Variants in TSC22D2 observed in about 807,000 individuals in gnomAD.
TSC22D2 encodes the protein TSC22 domain family protein 2.
Under a neutral mutation model 50.1 loss-of-function variants are expected in TSC22D2, and 5 were observed. The observed-to-expected ratio is 0.10, with a 90% CI of 0.05 to 0.21. The LOEUF is 0.21. Ranked by LOEUF, TSC22D2 falls within the 10% of genes least tolerant of loss-of-function variation. The probability of loss-of-function intolerance (pLI) is 1.00; values close to 1 mark genes in which losing one functional copy is unlikely to be tolerated. For missense variants in TSC22D2, 1,003 were observed against 1,015.5 expected, an observed-to-expected ratio of 0.99 and a Z score of 0.17; for synonymous variants, 501 against 450.1, an observed-to-expected ratio of 1.11 and a Z score of -1.43.
At chr3:150,447,139 A>G (rs193235368) in intron 1 of TSC22D2, among the ~76,000 whole-genome samples, 14 of 152,304 alleles carry the variant, frequency 9.2e-5, no homozygotes, top group African/African-American at 3.4e-4. Context: ...TTGAGAAGAT[A>G]TTTAAACAAG....
At chr3:150,434,267 C>G (rs891409240) in intron 1 of TSC22D2, among the ~76,000 whole-genome samples, 1 of 151,514 alleles carries the variant, frequency 6.6e-6, no homozygotes, top group African/African-American at 2.4e-5. Flanking sequence ...TCTTGCCTCC[C>G]GAGTAGCTGG....
intron 1 of TSC22D2, among the ~76,000 whole-genome samples, chr3:150,412,548 C>A (rs1021068262): frequency 1.3e-5 from 2 of 152,322 alleles, no homozygotes; most frequent in African/African-American, 2.4e-5. Flanking sequence ...TTGAAAAATA[C>A]TCACTGACTG....
intron 1 of TSC22D2, among the ~76,000 whole-genome samples, chr3:150,427,803 TTTC>T (rs1011402427): frequency 1.1e-4 from 17 of 152,174 alleles, no homozygotes; most frequent in Admixed American, 3.3e-4. Flanking sequence ...TCCTCCTTCC[TTTC>T]TTCTTCTCTT....
intron 1 of TSC22D2, among the ~76,000 whole-genome samples, chr3:150,412,223 T>A (rs1719601424): frequency 6.6e-6 from 1 of 152,192 alleles, no homozygotes; most frequent in Non-Finnish European, 1.5e-5. Flanking sequence ...AAATTTGACA[T>A]ACATATTGCA....
At chr3:150,453,433 C>A (rs958671810) in intron 1 of TSC22D2, among the ~76,000 whole-genome samples, 5 of 152,164 alleles carry the variant, frequency 3.3e-5, no homozygotes, top group African/African-American at 1.2e-4. Flanking sequence ...ATAAAATAGT[C>A]TCTTATTTGC....
chr3:150,452,343 G>T (rs1363216352), intron 1 of TSC22D2, among the ~76,000 whole-genome samples: 1 of 152,002 alleles, frequency 6.6e-6, no homozygotes. Flanking sequence ...TACTCGGGAG[G>T]CCGAGGCAGG....
intron 1 of TSC22D2, among the ~76,000 whole-genome samples, chr3:150,447,179 A>G (rs1720912938): frequency 6.6e-6 from 1 of 152,224 alleles, no homozygotes; most frequent in African/African-American, 2.4e-5. Context: ...TTTAATAAAA[A>G]GAAATAATAT....
chr3:150,444,270 G>A (rs1029411311), intron 1 of TSC22D2, among the ~76,000 whole-genome samples: 1 of 152,246 alleles, frequency 6.6e-6, no homozygotes, highest in East Asian at 1.9e-4. Flanking sequence ...GTCCTGGCAT[G>A]ATGAGCTCAA....
chr3:150,410,819 G>A lies in TSC22D2; in HGVS notation c.1469G>A (p.Gly490Asp). ...CCTCCGCCGCAGATGGGTGGCAGTG[G>A]TCCGCTGTCAGCCGTACCTGGTGGC... ...SVPPPQMGGS[G>D]PLSAVPGGPH... The change falls in exon 1 of 3, where the codon GGT becomes GAT. Residue 490 changes from glycine (G) to aspartate (D), a missense_variant. Coordinates refer to ENST00000688009, the MANE Select transcript of TSC22D2 (RefSeq NM_001303264.2). 1 of 1,613,462 alleles carries A rather than the reference G, an allele frequency of 6.2e-7. No individual in the cohort carries two copies. The highest frequency in any genetic ancestry group is 8.5e-7 in the Non-Finnish European group (1 of 1,179,978).
At chr3:150,434,145 GTTTT>G (rs1391206035) in intron 1 of TSC22D2, among the ~76,000 whole-genome samples, 2 of 125,554 alleles carry the variant, frequency 1.6e-5, no homozygotes, top group African/African-American at 5.8e-5. Flanking sequence ...AAATAGGAGG[GTTTT>G]TTGTTTTTTT....
intron 1 of TSC22D2, among the ~76,000 whole-genome samples, chr3:150,450,047 T>C (rs1559850048): frequency 6.6e-6 from 1 of 151,966 alleles, no homozygotes; most frequent in East Asian, 1.9e-4. Context: ...TCTAATTAAA[T>C]GTGTTTATTT....
chr3:150,448,441 G>A (rs1044698616), intron 1 of TSC22D2, among the ~76,000 whole-genome samples: 22 of 152,088 alleles, frequency 1.4e-4, no homozygotes, highest in African/African-American at 5.3e-4. Context: ...CCATGATCAT[G>A]CCACTGCACT....
At chr3:150,414,102 A>G (rs1171889289) in intron 1 of TSC22D2, among the ~76,000 whole-genome samples, 1 of 152,212 alleles carries the variant, frequency 6.6e-6, no homozygotes, top group Non-Finnish European at 1.5e-5. Flanking sequence ...ACATCTTAAT[A>G]TTATCACACC....
chr3:150,410,253 G>C lies in TSC22D2; in HGVS notation c.903G>C (p.Gly301=). ...CGCCGTTCCCGGGAGCCGCGACCGG[G>C]CCGCAGCCAATGATGGCAGCCGCGC... ...PLPPFPGAAT[G]PQPMMAAAQP... Residue 301 remains glycine, a synonymous_variant, in exon 1 of 3, where the codon GGG becomes GGC. Coordinates refer to ENST00000688009, the MANE Select transcript of TSC22D2 (RefSeq NM_001303264.2). The C allele has an allele frequency of 1.3e-6, 2 of 1,558,598 alleles. No homozygotes were observed. The highest frequency in any genetic ancestry group is 8.7e-7 in the Non-Finnish European group (1 of 1,152,564).
intron 1 of TSC22D2, among the ~76,000 whole-genome samples, chr3:150,429,174 G>A (rs1487483868): frequency 6.6e-6 from 1 of 152,182 alleles, no homozygotes; most frequent in Admixed American, 6.5e-5. Flanking sequence ...ATGTTGATCT[G>A]AATAGAGAAA....
At chr3:150,425,783 C>T (rs887258806) in intron 1 of TSC22D2, among the ~76,000 whole-genome samples, 11 of 152,138 alleles carry the variant, frequency 7.2e-5, no homozygotes, top group Admixed American at 1.3e-4. Flanking sequence ...CCTCAGGAAT[C>T]TTTCAGTTTA....
At chr3:150,423,166 A>C in intron 1 of TSC22D2, 2 of 1,433,028 alleles carry the variant, frequency 1.4e-6, no homozygotes, top group South Asian at 2.4e-5. Flanking sequence ...AACTGTATGC[A>C]TGAATTGCTT....
chr3:150,458,267 G>A, intron 2 of TSC22D2, 109 bp from the exon 3 acceptor site: 4 of 1,167,606 alleles, frequency 3.4e-6, no homozygotes, highest in Non-Finnish European at 2.4e-6. Context: ...AACATTAAAA[G>A]CAAGAGCAGG....
chr3:150,409,142 A>G lies in TSC22D2; in HGVS notation c.-209A>G, dbSNP rs1007525551. On this transcript the variant is annotated 5_prime_UTR_variant, in exon 1 of 3. Transcript: ENST00000688009. This position sits in a 1 kb window ranked among gnomAD's most constrained non-coding sequence, Gnocchi z 7.4. ...CGGGACTGAGACGGGGGCAGAGCCGAAGAGACCGACACAGAGAAGGAAACG... is the reference window on the plus strand; with the variant it reads ...CGGGACTGAGACGGGGGCAGAGCCGGAGAGACCGACACAGAGAAGGAAACG... The G allele has an allele frequency of 1.0e-5, 5 of 491,292 alleles. No individual in the cohort carries two copies. Among genetic ancestry groups the G allele is most frequent in the African/African-American group, 9.6e-5 (5 of 51,996 alleles). The allele number at this position is 491,292 out of a possible 1,614,324, so 30.4% of individuals were successfully genotyped here. A position where few individuals can be genotyped will look rare whatever the true frequency, so the allele number is the denominator to read the frequency against.
Sources: allele counts gnomAD v4.1 joint callset (sites outside exome capture counted in the v4.1 genomes callset), GRCh38; gene constraint gnomAD v4.1.1; non-coding constraint Gnocchi (gnomAD v3.1); transcripts MANE v1.5; gene names NCBI Gene and HGNC (gene_info 2026-07-23, HGNC 2026-07-21).